The following LGSN variants were observed in gnomAD, a reference collection of about 807,000 sequenced individuals.
LGSN encodes lengsin, lens protein with glutamine synthetase domain.
A neutral mutation model predicts 19.5 loss-of-function variants in LGSN; 21 were observed. The observed-to-expected ratio is 1.07, with a 90% confidence interval of 0.76 to 1.55. The LOEUF is 1.55. LGSN is among the 40% of genes most tolerant of loss of function. The pLI is 0.00. For synonymous variants in LGSN, 257 were observed against 215.6 expected, an observed-to-expected ratio of 1.19 and a Z score of -1.68; for missense variants, 673 against 608.5, an observed-to-expected ratio of 1.11 and a Z score of -1.12.
the LGSN span, among the ~76,000 whole-genome samples, chr6:63,572,929 G>T: frequency 6.6e-6 from 1 of 152,170 alleles, no homozygotes; most frequent in African/African-American, 2.4e-5. Context: ...GCCCCTCGGG[G>T]CTGCGGGGTG....
the LGSN span, among the ~76,000 whole-genome samples, chr6:63,361,462 A>G: frequency 4.7e-4 from 71 of 152,266 alleles, 1 homozygote; most frequent in East Asian, 0.013. Flanking sequence ...AGTCATGCGC[A>G]GGATATAATC....
At chr6:63,504,385 G>A in the LGSN span, among the ~76,000 whole-genome samples, 5 of 152,190 alleles carry the variant, frequency 3.3e-5, no homozygotes, top group Admixed American at 6.5e-5. Context: ...GAGACTACAG[G>A]TGCCCACCAC....
At chr6:63,542,299 T>C in the LGSN span, among the ~76,000 whole-genome samples, 1 of 151,988 alleles carries the variant, frequency 6.6e-6, no homozygotes, top group East Asian at 1.9e-4. Flanking sequence ...GGGTGAGGGA[T>C]GAAAGACTAC....
chr6:63,497,942 G>T, the LGSN span, among the ~76,000 whole-genome samples: 9 of 47,866 alleles, frequency 1.9e-4, no homozygotes, highest in Non-Finnish European at 2.5e-4. Flanking sequence ...TCTTGAGACA[G>T]AGTTTTGCTC....
At chr6:63,315,768 A>G (rs1406859316) in intron 1 of LGSN, among the ~76,000 whole-genome samples, 1 of 151,588 alleles carries the variant, frequency 6.6e-6, no homozygotes, top group Non-Finnish European at 1.5e-5. Context: ...GCTAGAACAT[A>G]GCAGAATTCA....
chr6:63,295,101 T>A lies in LGSN; in HGVS notation c.31-56A>T. 2.6e-6 allele frequency: 4 copies of A among 1,518,976 alleles called. No individual in the cohort carries two copies. The South Asian group carries it at 4.5e-5, about 17-fold the overall frequency. The allele number at this position is 1,518,976 out of a possible 1,614,324, so 94.1% of individuals were successfully genotyped here. ...TAACAGATTATTCAAACAATGATAT[T>A]TGGATGTCGAAAGAGTATATTTGAA... On this transcript the variant is annotated intron_variant, in intron 1 of 3. Transcript: ENST00000370657.
At chr6:63,407,202 C>A in the LGSN span, among the ~76,000 whole-genome samples, 1 of 151,860 alleles carries the variant, frequency 6.6e-6, no homozygotes, top group East Asian at 1.9e-4. Flanking sequence ...ATCCTGATAC[C>A]AAAGCCGGGC....
chr6:63,303,201 A>AT (rs1364330232), intron 1 of LGSN, among the ~76,000 whole-genome samples: 1 of 152,118 alleles, frequency 6.6e-6, no homozygotes, highest in Non-Finnish European at 1.5e-5. Flanking sequence ...CTTCAGGTAC[A>AT]TTTTTGCTAC....
In LGSN at chr6:63,278,214, T is replaced by C. The variant is rs1326557367; in HGVS notation, c.*1807A>G. 1.3e-5 allele frequency: 2 copies of C among 152,194 alleles called. No homozygotes were observed. Among genetic ancestry groups the C allele is most frequent in the Non-Finnish European group, 2.9e-5 (2 of 68,038 alleles). The allele number at this position is 152,194 out of a possible 1,614,324, so 9.4% of individuals were successfully genotyped here. ...TTAATGAAGGCTCAGAAATATCATT[T>C]CATTTTTCATTGCTTTCAAAGAACA... On this transcript the variant is annotated 3_prime_UTR_variant, in exon 4 of 4. Coordinates refer to ENST00000370657, the MANE Select transcript of LGSN (RefSeq NM_016571.3).
the LGSN span, among the ~76,000 whole-genome samples, chr6:63,469,820 G>A: frequency 1.4e-4 from 22 of 152,230 alleles, no homozygotes; most frequent in Middle Eastern, 3.4e-3. Flanking sequence ...AGGTACAAGC[G>A]ATTCTCCTGC....
chr6:63,432,089 GA>G, the LGSN span, among the ~76,000 whole-genome samples: 314 of 8,908 alleles, frequency 0.035, 4 homozygotes, highest in Admixed American at 0.046. Context: ...GAAAAAGAAG[GA>G]AAGAAAGAAA....
At chr6:63,334,757 T>C in the LGSN span, among the ~76,000 whole-genome samples, 4 of 152,082 alleles carry the variant, frequency 2.6e-5, no homozygotes, top group Admixed American at 1.3e-4. Flanking sequence ...GGTATAAAAA[T>C]AGACCCATAG....
At chr6:63,527,240 A>G in the LGSN span, among the ~76,000 whole-genome samples, 1 of 152,148 alleles carries the variant, frequency 6.6e-6, no homozygotes, top group African/African-American at 2.4e-5. Context: ...GCACATTTTA[A>G]ACAGAGCACA....
At chr6:63,470,476 C>CAA in the LGSN span, among the ~76,000 whole-genome samples, 7,828 of 139,136 alleles carry the variant, frequency 0.056, 691 homozygotes, top group African/African-American at 0.19. Flanking sequence ...TGTCTCAATT[C>CAA]AAAAAAAAAA....
At chr6:63,412,772 G>GAAAGAAAGAAAGAAAGAAAGA in the LGSN span, among the ~76,000 whole-genome samples, 24 of 41,190 alleles carry the variant, frequency 5.8e-4, no homozygotes, top group South Asian at 1.2e-3. Context: ...AGAAAGAAAG[G>GAAAGAAAGAAAGAAAGAAAGA]AAGGAAGGGA....
At chr6:63,401,214 G>C in the LGSN span, among the ~76,000 whole-genome samples, 2 of 150,348 alleles carry the variant, frequency 1.3e-5, no homozygotes, top group Non-Finnish European at 3.0e-5. Flanking sequence ...GTAACATAGA[G>C]AGACCTAATC....
At chr6:63,376,972 G>T in the LGSN span, among the ~76,000 whole-genome samples, 2 of 152,160 alleles carry the variant, frequency 1.3e-5, no homozygotes, top group Admixed American at 1.3e-4. Context: ...CCTTGCTTGT[G>T]CTTTTCTAAT....
the LGSN span, among the ~76,000 whole-genome samples, chr6:63,354,544 G>A: frequency 2.6e-5 from 4 of 152,216 alleles, no homozygotes; most frequent in East Asian, 5.8e-4. Context: ...ACTGTTGATG[G>A]GAATGTAAAT....
chr6:63,534,458 C>A, the LGSN span, among the ~76,000 whole-genome samples: 3 of 148,838 alleles, frequency 2.0e-5, no homozygotes, highest in Admixed American at 2.0e-4. Flanking sequence ...GAGAAACACA[C>A]ACACACACAC....
Sources: allele counts gnomAD v4.1 joint callset (sites outside exome capture counted in the v4.1 genomes callset), GRCh38; gene constraint gnomAD v4.1.1; transcripts MANE v1.5; gene names NCBI Gene and HGNC (gene_info 2026-07-23, HGNC 2026-07-21).